EPHA4: variants seen among roughly 807,000 people sequenced by gnomAD.
The protein encoded by EPHA4 is ephrin type-A receptor 4.
A neutral mutation model predicts 108.3 loss-of-function variants in EPHA4; 19 were observed. That is an observed-to-expected ratio of 0.18 (90% CI 0.12 to 0.26). The LOEUF (loss-of-function observed/expected upper bound fraction) is 0.26. Among genes scored for constraint, EPHA4 ranks in the 10% least tolerant of loss-of-function variants. The pLI is 1.00. For synonymous variants in EPHA4, 449 were observed against 455.5 expected, an observed-to-expected ratio of 0.99 and a Z score of 0.18; for missense variants, 917 against 1,254.0, an observed-to-expected ratio of 0.73 and a Z score of 4.06.
At chr2:221,546,362 C>T (rs1693997893) in intron 3 of EPHA4, among the ~76,000 whole-genome samples, 1 of 152,160 alleles carries the variant, frequency 6.6e-6, no homozygotes, top group Non-Finnish European at 1.5e-5. Context: ...GCTTATTCTA[C>T]CTTTAACACT....
Position 221,425,971 on chromosome 2 carries a change from A to C in EPHA4, c.*57T>G. On this transcript the variant is annotated 3_prime_UTR_variant, in exon 17 of 18. Coordinates refer to ENST00000281821, the MANE Select transcript of EPHA4 (RefSeq NM_004438.5). ...GTAAAAAAAGTGCAGTTCTTCAATT[A>C]AAGTGCATGGATGAGGTAAACTAAT... 1 of 1,416,814 alleles carries C rather than the reference A, an allele frequency of 7.1e-7. No individual in the cohort carries two copies. The highest frequency in any genetic ancestry group is 9.9e-7 in the Non-Finnish European group (1 of 1,005,606). The allele number at this position is 1,416,814 out of a possible 1,614,324, so 87.8% of individuals were successfully genotyped here. A position where few individuals can be genotyped will look rare whatever the true frequency, so the allele number is the denominator to read the frequency against.
At chr2:221,490,677 T>C (rs942128289) in intron 4 of EPHA4, among the ~76,000 whole-genome samples, 1 of 152,220 alleles carries the variant, frequency 6.6e-6, no homozygotes, top group Non-Finnish European at 1.5e-5. Context: ...TGTAAAACCC[T>C]TCAACCCTTC....
At chr2:221,501,203 A>G in intron 3 of EPHA4, 31 bp from the exon 4 acceptor site, 1 of 1,547,192 alleles carries the variant, frequency 6.5e-7, no homozygotes, top group Non-Finnish European at 8.7e-7. Context: ...ACAAACAAAT[A>G]GAAACCACTG....
chr2:221,494,885 A>G (rs1692257395), intron 4 of EPHA4, among the ~76,000 whole-genome samples: 1 of 152,116 alleles, frequency 6.6e-6, no homozygotes, highest in Admixed American at 6.5e-5. Context: ...TTTCATTAAT[A>G]AAAATCACAT....
chr2:221,522,954 G>C (rs2106175792), intron 3 of EPHA4, among the ~76,000 whole-genome samples: 1 of 152,106 alleles, frequency 6.6e-6, no homozygotes, highest in South Asian at 2.1e-4. Context: ...GTTTCACCAT[G>C]TTCGCCAGGC....
chr2:221,566,905 A>G (rs1430840634), intron 2 of EPHA4, among the ~76,000 whole-genome samples: 3 of 43,020 alleles, frequency 7.0e-5, no homozygotes, highest in African/African-American at 2.9e-4. Context: ...GGAGAAGGAG[A>G]AGGAGAAGGA....
intron 5 of EPHA4, among the ~76,000 whole-genome samples, chr2:221,465,483 G>A (rs1176629684): frequency 1.3e-5 from 2 of 152,180 alleles, no homozygotes; most frequent in Non-Finnish European, 2.9e-5. Flanking sequence ...GGAAGTTGAA[G>A]GTGTTGGGTT....
intron 11 of EPHA4, among the ~76,000 whole-genome samples, chr2:221,441,167 G>A (rs1385901999): frequency 6.6e-6 from 1 of 150,862 alleles, no homozygotes; most frequent in Non-Finnish European, 1.5e-5. Context: ...ACCTGCCCCA[G>A]GCCTAATGTC....
At position 221,502,671 on chromosome 2, in the gene EPHA4, G is replaced by C. The variant is rs368572982; in HGVS notation, c.824-1499C>G. ...TTCCACCCACTCGCATATCCTGTTG[G>C]CATTTTCTTAATCATACTCTTGTAA... On this transcript the variant is annotated intron_variant, in intron 3 of 17. Transcript: ENST00000281821. 2.2e-5 allele frequency: 10 copies of C among 453,094 alleles called. No homozygotes were observed. In the East Asian group the frequency reaches 3.5e-4, roughly 16 times the overall value. The allele number at this position is 453,094 out of a possible 1,614,324, so 28.1% of individuals were successfully genotyped here. A position where few individuals can be genotyped will look rare whatever the true frequency, so the allele number is the denominator to read the frequency against.
chr2:221,489,937 A>G (rs1692090526), intron 4 of EPHA4, among the ~76,000 whole-genome samples: 1 of 152,104 alleles, frequency 6.6e-6, no homozygotes, highest in Non-Finnish European at 1.5e-5. Context: ...GACAAGCCTA[A>G]GAGTTCAAGA....
Position 221,514,095 on chromosome 2 carries a change from A to T in EPHA4, c.824-12923T>A, listed in dbSNP as rs1529572. On this transcript the variant is annotated intron_variant, in intron 3 of 17. Transcript: ENST00000281821. ...AGTTATACTCCTGTAAGCCGGGGGG[A>T]GGGGGTTTGAAAATCTACTTAATGC... 1.9e-3 allele frequency among the ~76,000 whole-genome samples: 199 copies of T among 103,580 alleles called. 1 individual carries two copies. Among genetic ancestry groups the T allele is most frequent in the African/African-American group, 0.01 (187 of 18,052 alleles). The allele number at this position is 103,580 out of a possible 152,430, so 68.0% of individuals were successfully genotyped here. A position where few individuals can be genotyped will look rare whatever the true frequency, so the allele number is the denominator to read the frequency against.
intron 3 of EPHA4, among the ~76,000 whole-genome samples, chr2:221,543,630 CG>C (rs1461680644): frequency 6.6e-6 from 1 of 152,124 alleles, no homozygotes; most frequent in Non-Finnish European, 1.5e-5. Flanking sequence ...TTAGCAGCTA[CG>C]CACACAATAA....
intron 8 of EPHA4, among the ~76,000 whole-genome samples, chr2:221,446,911 C>T (rs1690610620): frequency 6.6e-6 from 1 of 152,184 alleles, no homozygotes; most frequent in African/African-American, 2.4e-5. Context: ...TTGTCTTAAA[C>T]CTGGCATTCT....
chr2:221,447,488 C>T (rs975000566), intron 8 of EPHA4, among the ~76,000 whole-genome samples: 10 of 152,100 alleles, frequency 6.6e-5, no homozygotes, highest in Non-Finnish European at 1.0e-4. Context: ...CAGCGGATCC[C>T]GGTCACATGC....
At chr2:221,471,248 A>T (rs3770158) in intron 5 of EPHA4, among the ~76,000 whole-genome samples, 80,192 of 151,800 alleles carry the variant, frequency 0.53, 21,409 homozygotes, top group Non-Finnish European at 0.56. Flanking sequence ...TTATTTTTTT[A>T]AAAAAAGGAA....
chr2:221,507,355 T>C (rs1692662103), intron 3 of EPHA4, among the ~76,000 whole-genome samples: 1 of 152,232 alleles, frequency 6.6e-6, no homozygotes, highest in Non-Finnish European at 1.5e-5. Flanking sequence ...CACTTTTCAA[T>C]TGATTTTCTT....
At chr2:221,424,732 G>A (rs1255439729) in intron 17 of EPHA4, among the ~76,000 whole-genome samples, 4 of 152,174 alleles carry the variant, frequency 2.6e-5, no homozygotes, top group Non-Finnish European at 4.4e-5. Flanking sequence ...CCTGGAGCAG[G>A]ACAGAAAATG....
chr2:221,573,253 C>G (rs931098651), upstream of EPHA4: 37 of 152,208 alleles, frequency 2.4e-4, no homozygotes, highest in African/African-American at 8.0e-4. This position sits in a 1 kb window ranked among gnomAD's most constrained non-coding sequence, Gnocchi z 4.5. Context: ...GGAAGCTGCC[C>G]GGAGCGGCTG....
intron 3 of EPHA4, 61 bp from the exon 4 acceptor site, chr2:221,501,233 A>T: frequency 7.1e-7 from 1 of 1,411,702 alleles, no homozygotes; most frequent in Non-Finnish European, 9.5e-7. Flanking sequence ...CAAAGCAAAA[A>T]TGCAAAGCCA....
Sources: gnomAD v4.1 joint callset for allele counts (sites outside exome capture counted in the v4.1 genomes callset) on GRCh38, gnomAD v4.1.1 for gene constraint, Gnocchi (gnomAD v3.1) non-coding constraint, MANE v1.5 for transcripts, NCBI Gene and HGNC (gene_info 2026-07-23, HGNC 2026-07-21) for gene names.